GOLGA1: variants seen among roughly 807,000 people sequenced by gnomAD.
GOLGA1 encodes golgin A1, also known as golgin subfamily A member 1.
A neutral mutation model predicts 119.7 loss-of-function variants in GOLGA1; 63 were observed. The observed-to-expected ratio is 0.53, with a 90% CI of 0.43 to 0.65. The LOEUF (loss-of-function observed/expected upper bound fraction) is 0.65. Among genes scored for constraint, GOLGA1 ranks in the 30% least tolerant of loss-of-function variants. The pLI is 0.00. For synonymous variants in GOLGA1, 318 were observed against 333.4 expected, an observed-to-expected ratio of 0.95 and a Z score of 0.50; for missense variants, 798 against 912.8, an observed-to-expected ratio of 0.87 and a Z score of 1.62.
chr9:124,881,701 G>T lies in GOLGA1; in HGVS notation c.2136+83C>A. 1.1e-6 allele frequency: 1 copy of T among 911,468 alleles called. No homozygotes were observed. Among genetic ancestry groups the T allele is most frequent in the Non-Finnish European group, 1.7e-6 (1 of 589,048 alleles). The allele number at this position is 911,468 out of a possible 1,614,324, so 56.5% of individuals were successfully genotyped here. ...AACCAGGATGTACGAGGAAAAGAGAGAAAGGGGCTGGGCAGGGGTCCCTGC... is the reference window on the plus strand; with the variant it reads ...AACCAGGATGTACGAGGAAAAGAGATAAAGGGGCTGGGCAGGGGTCCCTGC... On this transcript the variant is annotated intron_variant, in intron 21 of 22. Transcript: ENST00000373555. The surrounding 1 kb of genome is among the most constrained non-coding windows in gnomAD (Gnocchi z 4.9).
In GOLGA1 at chr9:124,880,568, G is replaced by A. The variant is rs747290499; in HGVS notation, c.2266C>T (p.Arg756Trp). 6 of 1,611,102 alleles carry A rather than the reference G, an allele frequency of 3.7e-6. No homozygotes were observed. The highest frequency in any genetic ancestry group is 1.1e-5 in the South Asian group (1 of 90,978). ...GSKPAPKGSI[R>W]PSISNPRIPW... is the part of the protein sequence containing the mutation. Reference sequence around the variant, plus strand: ...ATCCGAGGGTTTGAGATAGACGGCCGGATGCTGCCCTTGGGAGCTGGTTTG... The same window carrying A: ...ATCCGAGGGTTTGAGATAGACGGCCAGATGCTGCCCTTGGGAGCTGGTTTG... Residue 756 changes from arginine to tryptophan, a missense_variant, in exon 23 of 23, where the codon CGG becomes TGG. Arg to Trp is a moderately radical substitution (Grantham distance 101, BLOSUM62 -3). Transcript: ENST00000373555.
At chr9:124,889,352 G>A (rs1286289917) in intron 17 of GOLGA1, 49 bp from the exon 18 acceptor site, 2 of 1,604,762 alleles carry the variant, frequency 1.2e-6, no homozygotes, top group African/African-American at 2.7e-5. Flanking sequence ...GTGACTCCAT[G>A]CTGCTTGGTG....
intron 10 of GOLGA1, among the ~76,000 whole-genome samples, chr9:124,912,487 T>C (rs1006310696): frequency 3.3e-5 from 5 of 152,228 alleles, no homozygotes; most frequent in Admixed American, 6.5e-5. Flanking sequence ...ACAGCAGAGC[T>C]GCCATGCTTC....
upstream of GOLGA1, chr9:124,941,195 G>C (rs1302777622): frequency 6.6e-6 from 1 of 152,426 alleles, no homozygotes; most frequent in East Asian, 1.9e-4. Flanking sequence ...CCTCTGAGCG[G>C]CGACTGGGCC....
At chr9:124,937,549 T>A (rs1391134413) in intron 3 of GOLGA1, among the ~76,000 whole-genome samples, 1 of 151,698 alleles carries the variant, frequency 6.6e-6, no homozygotes, top group Non-Finnish European at 1.5e-5. Flanking sequence ...GAGAACTGCT[T>A]GAACCCGGGA....
At position 124,889,146 on chromosome 9, in the gene GOLGA1, C is replaced by T. The variant is rs772337517; in HGVS notation, c.1758G>A (p.Ser586=). The T allele has an allele frequency of 6.8e-6, 11 of 1,606,658 alleles. No individual in the cohort carries two copies. Among genetic ancestry groups the T allele is most frequent in the Admixed American group, 3.4e-5 (2 of 59,630 alleles). ...TGCAGGTGCAGCTGGGACTTACGTG[C>T]GACTCATTGACTGAGAGTGCTTCGG... ...LQAEALSVNE[S]HVTSRAMQDP... Residue 586 remains serine, a synonymous_variant, in exon 18 of 23, where the codon TCG becomes TCA. Transcript: ENST00000373555.
chr9:124,894,326 G>A (rs755336362), intron 15 of GOLGA1, among the ~76,000 whole-genome samples: 10 of 151,890 alleles, frequency 6.6e-5, no homozygotes, highest in Non-Finnish European at 1.3e-4. Context: ...ATAGCCATTT[G>A]GCTGTAATTT....
Position 124,898,553 on chromosome 9 carries a change from A to G in GOLGA1, c.1403T>C (p.Leu468Pro), listed in dbSNP as rs1330262248. Residue 468 changes from leucine (L) to proline (P), a missense_variant, in exon 15 of 23, where the codon CTG becomes CCG. Leu to Pro is a moderately conservative substitution (Grantham distance 98). Coordinates refer to ENST00000373555, the MANE Select transcript of GOLGA1 (RefSeq NM_002077.4). ...LQNHQFELKK[L>P]KEEWSQREIV... ...TTGATTCAATTAGATAAATACCTTC[A>G]GCTTCTTTAGTTCAAATTGGTGATT... The G allele has an allele frequency of 1.3e-6, 2 of 1,536,984 alleles. No individual in the cohort carries two copies. Among genetic ancestry groups the G allele is most frequent in the African/African-American group, 2.7e-5 (2 of 73,358 alleles).
rs564805532 is a variant in GOLGA1 at position 124,888,587 on chromosome 9, T to C, written c.1762-191A>G. On this transcript the variant is annotated intron_variant, in intron 18 of 22. Coordinates refer to ENST00000373555, the MANE Select transcript of GOLGA1 (RefSeq NM_002077.4). This position sits in a 1 kb window ranked among gnomAD's most constrained non-coding sequence, Gnocchi z 4.4. ...CACAACTAATCACACGACTAGTCTTTGCTGGGATGAAGGGGCTTGCTCTCC... is the reference window on the plus strand; with the variant it reads ...CACAACTAATCACACGACTAGTCTTCGCTGGGATGAAGGGGCTTGCTCTCC... Among the ~76,000 whole-genome samples the C allele has an allele frequency of 1.3e-4, 20 of 152,338 alleles. No homozygotes were observed. The highest frequency in any genetic ancestry group is 2.2e-4 in the Non-Finnish European group (15 of 68,026).
Position 124,910,665 on chromosome 9 carries a change from T to A in GOLGA1, c.969+1236A>T, listed in dbSNP as rs1431811143. 2.0e-5 allele frequency among the ~76,000 whole-genome samples: 3 copies of A among 152,178 alleles called. No individual in the cohort carries two copies. In the East Asian group the frequency reaches 5.8e-4, roughly 29 times the overall value. On this transcript the variant is annotated intron_variant, in intron 11 of 22. Coordinates refer to ENST00000373555, the MANE Select transcript of GOLGA1 (RefSeq NM_002077.4). ...AACCCTTGGGCCACAGACCTTGCAG[T>A]CTGTTAGGAACCAGGCCGCACAGCA...
At chr9:124,900,744 C>T (rs1454432060) in intron 12 of GOLGA1, among the ~76,000 whole-genome samples, 197 bp from the exon 13 acceptor site, 1 of 152,152 alleles carries the variant, frequency 6.6e-6, no homozygotes, top group Admixed American at 6.5e-5. Flanking sequence ...CTTTTAATGA[C>T]TTTTGTTTAT....
At chr9:124,898,237 G>A (rs1183873277) in intron 15 of GOLGA1, among the ~76,000 whole-genome samples, 2 of 152,222 alleles carry the variant, frequency 1.3e-5, no homozygotes, top group African/African-American at 4.8e-5. Flanking sequence ...ATTCCACAGA[G>A]GAAGGGCTGG....
chr9:124,897,011 C>T (rs1326996111), intron 15 of GOLGA1, among the ~76,000 whole-genome samples: 1 of 152,186 alleles, frequency 6.6e-6, no homozygotes, highest in Non-Finnish European at 1.5e-5. Flanking sequence ...CATGCTCTCC[C>T]CTGGCCACTA....
At chr9:124,893,677 C>A (rs113691605) in intron 15 of GOLGA1, among the ~76,000 whole-genome samples, 2,547 of 152,252 alleles carry the variant, frequency 0.017, 72 homozygotes, top group African/African-American at 0.059. Context: ...CTTTCAGGAT[C>A]TCCCAGGCTG....
At chr9:124,942,030 CT>C (rs1831047533), upstream of GOLGA1, among the ~76,000 whole-genome samples, 1 of 152,218 alleles carries the variant, frequency 6.6e-6, no homozygotes, top group Non-Finnish European at 1.5e-5. Flanking sequence ...AATCCCCACA[CT>C]TTGAGAAGCC....
rs977058086 is a variant in GOLGA1, at chr9:124,881,076, C to T, written c.2223+95G>A. On this transcript the variant is annotated intron_variant, in intron 22 of 22. Coordinates refer to ENST00000373555, the MANE Select transcript of GOLGA1 (RefSeq NM_002077.4). The surrounding 1 kb of genome is among the most constrained non-coding windows in gnomAD (Gnocchi z 4.9). The stretch of plus-strand genomic sequence containing the variant: ...GATCATGCAGCTGTGCTGGTGCCTA[C>T]ACTCGGGTGTGGGTCTAAGGGGTCT... 1 of 765,634 alleles carries T rather than the reference C, an allele frequency of 1.3e-6. No homozygotes were observed. Among genetic ancestry groups the T allele is most frequent in the Non-Finnish European group, 2.4e-6 (1 of 417,318 alleles). 47.4% of individuals were successfully genotyped at this position (765,634 alleles called of 1,614,324 possible).
At chr9:124,927,413 T>C (rs1830695369) in intron 6 of GOLGA1, among the ~76,000 whole-genome samples, 1 of 152,182 alleles carries the variant, frequency 6.6e-6, no homozygotes, top group Non-Finnish European at 1.5e-5. Flanking sequence ...CCACTAAGTA[T>C]TGGTAAATTG....
Position 124,888,388 on chromosome 9 carries a change from C to G in GOLGA1, c.1770G>C (p.Ser590=). The change falls in exon 19 of 23, where the codon TCG becomes TCC. Residue 590 remains serine (S), a synonymous_variant. Coordinates refer to ENST00000373555, the MANE Select transcript of GOLGA1 (RefSeq NM_002077.4). The surrounding 1 kb of genome is among the most constrained non-coding windows in gnomAD (Gnocchi z 4.4). ...GGAACACAGGGTCCTGCATGGCCCTCGAGGTCACCTACAAGGTGGCAGCAG... is the reference window on the plus strand; with the variant it reads ...GGAACACAGGGTCCTGCATGGCCCTGGAGGTCACCTACAAGGTGGCAGCAG... The part of the protein sequence containing the change: ...ALSVNESHVT[S]RAMQDPVFQL... The G allele has an allele frequency of 6.2e-7, 1 of 1,614,002 alleles. No homozygotes were observed. Among genetic ancestry groups the G allele is most frequent in the South Asian group, 1.1e-5 (1 of 91,074 alleles).
chr9:124,942,667 A>G (rs908185720), upstream of GOLGA1: 15 of 152,270 alleles, frequency 9.9e-5, no homozygotes, highest in African/African-American at 3.1e-4. Flanking sequence ...TGTGGATTCA[A>G]GGTACAAAAT....
Sources: gnomAD v4.1 joint callset for allele counts (sites outside exome capture counted in the v4.1 genomes callset) on GRCh38, gnomAD v4.1.1 for gene constraint, Gnocchi (gnomAD v3.1) non-coding constraint, MANE v1.5 for transcripts, NCBI Gene and HGNC (gene_info 2026-07-23, HGNC 2026-07-21) for gene names.